CNTN3: variants seen among roughly 807,000 people sequenced by gnomAD.
CNTN3 encodes contactin-3.
A neutral mutation model predicts 119.1 loss-of-function variants in CNTN3; 60 were observed. That is an observed-to-expected ratio of 0.50 (90% confidence interval 0.41 to 0.62). CNTN3 has a LOEUF of 0.62. Ranked by LOEUF, CNTN3 falls within the 20% of genes least tolerant of loss-of-function variation. The pLI is 0.00. For synonymous variants in CNTN3, 450 were observed against 438.7 expected, an observed-to-expected ratio of 1.03 and a Z score of -0.32; for missense variants, 1,101 against 1,242.4, an observed-to-expected ratio of 0.89 and a Z score of 1.71.
chr3:74,547,111 AATTTT>A (rs1703926780), intron 1 of CNTN3, among the ~76,000 whole-genome samples: 1 of 152,178 alleles, frequency 6.6e-6, no homozygotes, highest in South Asian at 2.1e-4. Context: ...TTATTAATTT[AATTTT>A]ATTTACACAT....
At chr3:74,305,040 C>T (rs1702531897) in intron 13 of CNTN3, among the ~76,000 whole-genome samples, 1 of 152,196 alleles carries the variant, frequency 6.6e-6, no homozygotes, top group Admixed American at 6.5e-5. Flanking sequence ...AACAAAAGCG[C>T]ATCCATTGCT....
intron 20 of CNTN3, among the ~76,000 whole-genome samples, chr3:74,281,777 G>A (rs1702016972): frequency 1.3e-5 from 2 of 152,138 alleles, no homozygotes. Flanking sequence ...TGGAATTTAT[G>A]GAAATGGGGA....
intron 1 of CNTN3, among the ~76,000 whole-genome samples, chr3:74,532,257 T>A (rs1383235558): frequency 6.6e-6 from 1 of 151,272 alleles, no homozygotes; most frequent in African/African-American, 2.4e-5. Context: ...TGGCTAGAAA[T>A]GGGTAGAGGG....
At chr3:74,276,849 G>A (rs9830256) in intron 20 of CNTN3, among the ~76,000 whole-genome samples, 6,967 of 151,902 alleles carry the variant, frequency 0.046, 509 homozygotes, top group African/African-American at 0.16. Flanking sequence ...AAAAATCTGG[G>A]TCTTCAAAAA....
chr3:74,597,363 A>G (rs963640026), intron 1 of CNTN3, among the ~76,000 whole-genome samples: 5 of 152,034 alleles, frequency 3.3e-5, no homozygotes, highest in Admixed American at 6.6e-5. Flanking sequence ...TCTTTCTAGA[A>G]CTACATGTTA....
intron 4 of CNTN3, among the ~76,000 whole-genome samples, chr3:74,435,023 A>G (rs1701843036): frequency 6.6e-6 from 1 of 152,050 alleles, no homozygotes; most frequent in Non-Finnish European, 1.5e-5. Flanking sequence ...TATTCTCTCA[A>G]AGACTCCCAC....
chr3:74,469,957 AATC>A (rs1702530346), intron 4 of CNTN3, among the ~76,000 whole-genome samples: 1 of 152,230 alleles, frequency 6.6e-6, no homozygotes, highest in Non-Finnish European at 1.5e-5. Context: ...CAACCCTAAT[AATC>A]ATCAACTAAT....
chr3:74,445,491 T>C (rs1339136852), intron 4 of CNTN3, among the ~76,000 whole-genome samples: 2 of 152,170 alleles, frequency 1.3e-5, no homozygotes, highest in African/African-American at 4.8e-5. Flanking sequence ...CTTGAACTCC[T>C]GACCTCAAAT....
intron 2 of CNTN3, among the ~76,000 whole-genome samples, chr3:74,512,606 C>A (rs1703385780): frequency 7.6e-6 from 1 of 131,262 alleles, no homozygotes; most frequent in Non-Finnish European, 1.6e-5. Flanking sequence ...ACATTAGATT[C>A]TTTTATACTG....
chr3:74,382,876 T>C (rs1028725928), intron 5 of CNTN3, among the ~76,000 whole-genome samples: 1 of 152,228 alleles, frequency 6.6e-6, no homozygotes, highest in African/African-American at 2.4e-5. Flanking sequence ...TGATCTTTGA[T>C]TGAAAGTAGT....
intron 20 of CNTN3, among the ~76,000 whole-genome samples, chr3:74,273,558 C>T (rs978661945): frequency 6.6e-6 from 1 of 152,112 alleles, no homozygotes; most frequent in African/African-American, 2.4e-5. Context: ...AACTGAAGGT[C>T]TAATTTATGG....
chr3:74,601,504 G>A (rs34804469), intron 1 of CNTN3, among the ~76,000 whole-genome samples: 39,912 of 151,982 alleles, frequency 0.26, 6,584 homozygotes, highest in Non-Finnish European at 0.37. Context: ...AGTAATTAGA[G>A]GTATAATTTA....
At chr3:74,339,490 A>G (rs1703478217) in intron 11 of CNTN3, among the ~76,000 whole-genome samples, 2 of 152,136 alleles carry the variant, frequency 1.3e-5, no homozygotes, top group African/African-American at 4.8e-5. Context: ...CTTTCCTGAA[A>G]CCATGAGTTA....
chr3:74,430,515 G>A (rs1043815680), intron 4 of CNTN3, among the ~76,000 whole-genome samples: 11 of 152,302 alleles, frequency 7.2e-5, no homozygotes, highest in African/African-American at 2.6e-4. Context: ...GGCTGAGGTA[G>A]GAGGGTTGCT....
intron 11 of CNTN3, among the ~76,000 whole-genome samples, chr3:74,346,774 CA>C (rs1703700022): frequency 1.3e-5 from 2 of 151,942 alleles, no homozygotes; most frequent in Non-Finnish European, 2.9e-5. Flanking sequence ...TCCATCCATC[CA>C]TCCATCCATC....
At chr3:74,349,267 G>C (rs1703762198) in intron 11 of CNTN3, among the ~76,000 whole-genome samples, 4 of 152,120 alleles carry the variant, frequency 2.6e-5, no homozygotes, top group African/African-American at 9.7e-5. Context: ...AGGTGAGATG[G>C]TCTTCTACAC....
intron 20 of CNTN3, among the ~76,000 whole-genome samples, chr3:74,279,209 T>C (rs1429017001): frequency 1.3e-5 from 2 of 152,122 alleles, no homozygotes; most frequent in East Asian, 1.9e-4. Context: ...GGAGATTCCT[T>C]AATGAACAAA....
At chr3:74,541,155 G>A (rs1703837634) in intron 1 of CNTN3, among the ~76,000 whole-genome samples, 1 of 152,064 alleles carries the variant, frequency 6.6e-6, no homozygotes, top group African/African-American at 2.4e-5. Flanking sequence ...TACTAACCAT[G>A]TTGGAAAACA....
At chr3:74,347,974 G>A (rs1703731807) in intron 11 of CNTN3, among the ~76,000 whole-genome samples, 3 of 152,200 alleles carry the variant, frequency 2.0e-5, no homozygotes, top group Admixed American at 6.5e-5. Context: ...TCACTTATAT[G>A]TGGAATGTTT....
Sources: allele counts gnomAD v4.1 joint callset (sites outside exome capture counted in the v4.1 genomes callset), GRCh38; gene constraint gnomAD v4.1.1; transcripts MANE v1.5; gene names NCBI Gene and HGNC (gene_info 2026-07-23, HGNC 2026-07-21).